The following SH3D19 variants were observed in gnomAD, a reference collection of about 807,000 sequenced individuals.
The protein encoded by SH3D19 is SH3 domain containing 19.
In SH3D19, 58 loss-of-function variants were observed where a neutral mutation model predicts 112.1. The observed-to-expected ratio is 0.52, with a 90% CI of 0.42 to 0.64. SH3D19 has a LOEUF of 0.64. Among genes scored for constraint, SH3D19 ranks in the 30% least tolerant of loss-of-function variants. SH3D19 has a pLI of 0.00. For synonymous variants in SH3D19, 391 were observed against 448.5 expected (o/e 0.87, Z 1.62); for missense variants, 1,090 against 1,263.4 (o/e 0.86, Z 2.08).
intron 1 of SH3D19, among the ~76,000 whole-genome samples, chr4:151,286,680 A>G (rs1774822580): frequency 6.6e-6 from 1 of 151,436 alleles, no homozygotes; most frequent in Non-Finnish European, 1.5e-5. Context: ...AAACATTTAA[A>G]TAATTAATCC....
intron 1 of SH3D19, among the ~76,000 whole-genome samples, chr4:151,312,614 G>A (rs1224800883): frequency 6.6e-6 from 1 of 152,090 alleles, no homozygotes; most frequent in Non-Finnish European, 1.5e-5. Flanking sequence ...GAAATGCAGA[G>A]TCGGCCAGGC....
intron 11 of SH3D19, among the ~76,000 whole-genome samples, chr4:151,146,708 T>C (rs982395182): frequency 2.0e-5 from 3 of 152,148 alleles, no homozygotes; most frequent in African/African-American, 7.2e-5. Flanking sequence ...AATTTTTGTA[T>C]TTTTAGTAGA....
Position 151,174,755 on chromosome 4 carries a change from G to A in SH3D19, c.1449C>T (p.Ile483=), listed in dbSNP as rs1373389343. Residue 483 remains isoleucine (I), a synonymous_variant, in exon 7 of 20, where the codon ATC becomes ATT. Coordinates refer to ENST00000604030, the MANE Select transcript of SH3D19 (RefSeq NM_001378122.1). ...PVLQSKPLVD[I]DLISFDDDVL... is the part of the protein sequence containing the mutation. ...CATCATCATCAAAGCTGATGAGATC[G>A]ATGTCCACCAAGGGCTTGCTCTGCA... 9.1e-6 allele frequency: 14 copies of A among 1,531,796 alleles called. No individual in the cohort carries two copies. The highest frequency in any genetic ancestry group is 1.8e-4 in the Middle Eastern group (1 of 5,636). The allele number at this position is 1,531,796 out of a possible 1,614,324, so 94.9% of individuals were successfully genotyped here. A position where few individuals can be genotyped will look rare whatever the true frequency, so the allele number is the denominator to read the frequency against.
intron 1 of SH3D19, among the ~76,000 whole-genome samples, chr4:151,313,123 C>A (rs1314224411): frequency 3.3e-5 from 5 of 150,566 alleles, no homozygotes; most frequent in African/African-American, 1.2e-4. Flanking sequence ...TGCAGCTCTA[C>A]CCAAAACCTA....
At position 151,175,434 on chromosome 4, in the gene SH3D19, C is replaced by G; in HGVS notation, c.770G>C (p.Gly257Ala). 6.6e-7 allele frequency: 1 copy of G among 1,523,218 alleles called. No individual in the cohort carries two copies. Among genetic ancestry groups the G allele is most frequent in the Non-Finnish European group, 8.8e-7 (1 of 1,139,380 alleles). 94.4% of individuals were successfully genotyped at this position (1,523,218 alleles called of 1,614,324 possible). A position where few individuals can be genotyped will look rare whatever the true frequency, so the allele number is the denominator to read the frequency against. ...SQQKISPAAV[G>A]EESSPGRPQS... ...GGGCCGGCCTGGGGATGACTCCTCT[C>G]CTACGGCTGCTGGGCTGATTTTCTG... The change falls in exon 7 of 20, where the codon GGA becomes GCA. Residue 257 changes from glycine to alanine, a missense_variant. By Grantham distance (60) the Gly-to-Ala change is moderately conservative. Transcript: ENST00000604030.
chr4:151,242,800 A>G (rs971791641), intron 1 of SH3D19, among the ~76,000 whole-genome samples: 4 of 152,212 alleles, frequency 2.6e-5, no homozygotes, highest in Non-Finnish European at 4.4e-5. Flanking sequence ...TAGAGGGGTT[A>G]TATTTAACAA....
At chr4:151,248,335 A>C (rs536306780) in intron 1 of SH3D19, among the ~76,000 whole-genome samples, 2 of 151,074 alleles carry the variant, frequency 1.3e-5, no homozygotes, top group Non-Finnish European at 2.9e-5. Flanking sequence ...GAAATGAACA[A>C]AGTGTTTTAC....
chr4:151,138,032 T>C (rs190761916), intron 13 of SH3D19, among the ~76,000 whole-genome samples, 170 bp from the exon 14 acceptor site: 4 of 152,294 alleles, frequency 2.6e-5, no homozygotes, highest in Admixed American at 2.6e-4. Flanking sequence ...TTTTTGGACA[T>C]TGTTATGAGC....
chr4:151,140,022 G>A, intron 12 of SH3D19, 175 bp from the exon 13 acceptor site: 1 of 560,012 alleles, frequency 1.8e-6, no homozygotes, highest in Non-Finnish European at 3.2e-6. Flanking sequence ...TCAAGTTGAA[G>A]AAGAATGTGT....
chr4:151,324,261 T>C (rs1301058713), intron 1 of SH3D19, among the ~76,000 whole-genome samples: 2 of 152,192 alleles, frequency 1.3e-5, no homozygotes, highest in Non-Finnish European at 2.9e-5. Flanking sequence ...ATACAATATC[T>C]TCTCTATTTT....
intron 1 of SH3D19, among the ~76,000 whole-genome samples, chr4:151,265,726 A>G (rs1288753288): frequency 6.6e-6 from 1 of 151,632 alleles, no homozygotes; most frequent in Non-Finnish European, 1.5e-5. Flanking sequence ...ACAAGTGTGC[A>G]CCACCACACC....
chr4:151,282,459 G>A (rs1774346698), intron 1 of SH3D19: 1 of 1,598,292 alleles, frequency 6.3e-7, no homozygotes, highest in Non-Finnish European at 8.6e-7. Flanking sequence ...TCATCCTCTT[G>A]TACTCCAGAA....
chr4:151,149,358 G>T (rs541100290), intron 10 of SH3D19, 142 bp downstream of exon 10: 2 of 613,366 alleles, frequency 3.3e-6, no homozygotes, highest in South Asian at 4.2e-5. Flanking sequence ...GCAGACAGTG[G>T]ATTAGGGGCC....
At chr4:151,214,701 T>G (rs1766699655) in intron 2 of SH3D19, among the ~76,000 whole-genome samples, 1 of 59,908 alleles carries the variant, frequency 1.7e-5, no homozygotes, top group Non-Finnish European at 4.0e-5. Flanking sequence ...CACTTCCCAG[T>G]AGGGGCGGCC....
intron 1 of SH3D19, among the ~76,000 whole-genome samples, chr4:151,321,067 T>C (rs114990589): frequency 0.02 from 2,997 of 152,194 alleles, 42 homozygotes; most frequent in Middle Eastern, 0.058. Context: ...CACAGCTACA[T>C]GTAACAATAC....
chr4:151,296,138 G>A (rs1471680977), intron 1 of SH3D19, among the ~76,000 whole-genome samples: 1 of 152,138 alleles, frequency 6.6e-6, no homozygotes, highest in Non-Finnish European at 1.5e-5. Flanking sequence ...TAGGTAAACT[G>A]TATGGTATGC....
At chr4:151,238,755 T>C (rs1231867769) in intron 1 of SH3D19, among the ~76,000 whole-genome samples, 1 of 151,874 alleles carries the variant, frequency 6.6e-6, no homozygotes. Flanking sequence ...CACTCTACAT[T>C]AGAGTGAAAA....
intron 2 of SH3D19, among the ~76,000 whole-genome samples, chr4:151,205,612 A>C (rs1764997620): frequency 6.6e-6 from 1 of 152,354 alleles, no homozygotes. Flanking sequence ...AATTTTTAAA[A>C]TATGAAACTT....
At chr4:151,211,831 A>G (rs1277202361) in intron 2 of SH3D19, among the ~76,000 whole-genome samples, 3 of 152,332 alleles carry the variant, frequency 2.0e-5, no homozygotes, top group South Asian at 4.1e-4. Flanking sequence ...AAGCTAGTAG[A>G]GGTTGGTTCA....
Sources: allele counts gnomAD v4.1 joint callset (sites outside exome capture counted in the v4.1 genomes callset), GRCh38; gene constraint gnomAD v4.1.1; transcripts MANE v1.5; gene names NCBI Gene and HGNC (gene_info 2026-07-23, HGNC 2026-07-21).